Variants in TRIQK observed in about 807,000 individuals in gnomAD.
The protein encoded by TRIQK is triple QxxK/R motif-containing protein.
Under a neutral mutation model 10.8 loss-of-function variants are expected in TRIQK, and 10 were observed. The observed-to-expected ratio is 0.92, with a 90% CI of 0.57 to 1.57. TRIQK has a LOEUF of 1.57. TRIQK is among the 40% of genes most tolerant of loss of function. The pLI is 0.00. For synonymous variants in TRIQK, 33 were observed against 33.7 expected, an observed-to-expected ratio of 0.98 and a Z score of 0.07; for missense variants, 107 against 97.7, an observed-to-expected ratio of 1.09 and a Z score of -0.40.
At chr8:92,932,614 A>T (rs1810788211) in intron 2 of TRIQK, among the ~76,000 whole-genome samples, 1 of 152,068 alleles carries the variant, frequency 6.6e-6, no homozygotes, top group South Asian at 2.1e-4. Flanking sequence ...GCATTTATTG[A>T]TGTTTCTCGG....
At chr8:92,999,934 T>C (rs925087868) in intron 1 of TRIQK, among the ~76,000 whole-genome samples, 2 of 152,200 alleles carry the variant, frequency 1.3e-5, no homozygotes, top group Non-Finnish European at 1.5e-5. Flanking sequence ...ATTTCAGTTG[T>C]TAAAAACTTA....
At chr8:92,971,022 A>G (rs1812869800), upstream of TRIQK, among the ~76,000 whole-genome samples, 2 of 152,122 alleles carry the variant, frequency 1.3e-5, no homozygotes, top group Admixed American at 1.3e-4. Flanking sequence ...ATGGCTAGTC[A>G]GTTTTTCCAG....
chr8:92,997,809 C>A (rs1280724234), intron 1 of TRIQK, among the ~76,000 whole-genome samples: 1 of 151,918 alleles, frequency 6.6e-6, no homozygotes, highest in Non-Finnish European at 1.5e-5. Flanking sequence ...TGACTTAACA[C>A]CTTTGGGCTT....
chr8:92,897,656 C>T (rs1239417473), intron 3 of TRIQK, among the ~76,000 whole-genome samples: 1 of 152,070 alleles, frequency 6.6e-6, no homozygotes, highest in Non-Finnish European at 1.5e-5. Context: ...ATAAATTACC[C>T]AGTCTCAGGT....
At chr8:92,936,975 T>G (rs1400741740) in intron 2 of TRIQK, among the ~76,000 whole-genome samples, 1 of 151,630 alleles carries the variant, frequency 6.6e-6, no homozygotes, top group Non-Finnish European at 1.5e-5. Context: ...ATTAATAAAA[T>G]ATTTGAGGGA....
intron 1 of TRIQK, among the ~76,000 whole-genome samples, chr8:92,974,895 A>T (rs891336873): frequency 1.3e-5 from 2 of 152,312 alleles, no homozygotes; most frequent in Admixed American, 1.3e-4. Flanking sequence ...CAAGAATTGG[A>T]TTTTAATCAA....
chr8:92,910,294 C>T (rs547974259), intron 3 of TRIQK, among the ~76,000 whole-genome samples: 86 of 150,862 alleles, frequency 5.7e-4, no homozygotes, highest in Non-Finnish European at 1.1e-3. Context: ...TATTAATATA[C>T]TTTATTAAGT....
chr8:92,934,414 A>C (rs1810883661), intron 2 of TRIQK, among the ~76,000 whole-genome samples: 1 of 151,936 alleles, frequency 6.6e-6, no homozygotes, highest in Non-Finnish European at 1.5e-5. Context: ...ATAACTTTTA[A>C]GCATATATAT....
intron 1 of TRIQK, among the ~76,000 whole-genome samples, chr8:92,978,534 A>G (rs1378060896): frequency 6.6e-6 from 1 of 152,128 alleles, no homozygotes. Flanking sequence ...ATTTGTAACC[A>G]GAGGATTTGT....
At chr8:92,978,799 T>C (rs927313505) in intron 1 of TRIQK, among the ~76,000 whole-genome samples, 4 of 152,128 alleles carry the variant, frequency 2.6e-5, no homozygotes, top group Admixed American at 2.6e-4. Context: ...TTTGAGAGAT[T>C]CTTACTATAT....
chr8:92,955,865 A>G (rs1056436755), intron 1 of TRIQK, among the ~76,000 whole-genome samples: 10 of 151,766 alleles, frequency 6.6e-5, no homozygotes, highest in African/African-American at 2.2e-4. Context: ...AAAAACCACA[A>G]TGAGATACCA....
intron 2 of TRIQK, among the ~76,000 whole-genome samples, chr8:92,949,208 C>CT (rs1298954651): frequency 6.6e-6 from 1 of 152,066 alleles, no homozygotes; most frequent in Non-Finnish European, 1.5e-5. Flanking sequence ...TTTAATTTGT[C>CT]TAAGTTTTTT....
At chr8:92,955,917 G>A (rs1269190107) in intron 1 of TRIQK, among the ~76,000 whole-genome samples, 4 of 151,584 alleles carry the variant, frequency 2.6e-5, no homozygotes, top group Admixed American at 6.6e-5. Context: ...AAATGCAAGT[G>A]GAGATAAGGA....
At position 92,886,709 on chromosome 8, in the gene TRIQK, T is replaced by C; in HGVS notation, c.174A>G (p.Ile58Met). ...IKEVGLVLAA[I>M]LALLLAFYAF... ...CATAGAAAGCCAGTAGTAGTGCCAA[T>C]ATAGCTGCAAGTACAAGGCCAACTT... is the stretch of plus-strand genomic sequence containing the variant. The change falls in exon 5 of 5, where the codon ATA (isoleucine) becomes ATG (methionine). Residue 58 changes from isoleucine (I) to methionine (M), a missense_variant. By Grantham distance (10) the Ile-to-Met change is conservative. Transcript: ENST00000521988. 2.0e-6 allele frequency: 3 copies of C among 1,532,284 alleles called. No homozygotes were observed. The highest frequency in any genetic ancestry group is 2.6e-6 in the Non-Finnish European group (3 of 1,143,470). 94.9% of individuals were successfully genotyped at this position (1,532,284 alleles called of 1,614,324 possible). A position where few individuals can be genotyped will look rare whatever the true frequency, so the allele number is the denominator to read the frequency against.
At chr8:93,012,574 T>C (rs1370142558) in intron 1 of TRIQK, among the ~76,000 whole-genome samples, 1 of 152,196 alleles carries the variant, frequency 6.6e-6, no homozygotes, top group African/African-American at 2.4e-5. Flanking sequence ...TTCTGCTTTT[T>C]TTTCTTTAAT....
At chr8:92,921,274 C>G (rs1810168673) in intron 2 of TRIQK, 1 of 151,472 alleles carries the variant, frequency 6.6e-6, no homozygotes, top group Admixed American at 6.6e-5. Context: ...TTTAGGTTCT[C>G]TCTATTGGGG....
chr8:92,892,153 G>A (rs1319033301), intron 3 of TRIQK, 79 bp from the exon 4 acceptor site: 1 of 1,026,784 alleles, frequency 9.7e-7, no homozygotes. Flanking sequence ...GTCAAAGAAT[G>A]TTTAAATACA....
At chr8:92,955,487 A>G (rs907419222) in intron 1 of TRIQK, among the ~76,000 whole-genome samples, 3 of 151,830 alleles carry the variant, frequency 2.0e-5, no homozygotes, top group Non-Finnish European at 4.4e-5. Context: ...AGGAAATCGT[A>G]GGAATAAAAC....
intron 2 of TRIQK, among the ~76,000 whole-genome samples, chr8:92,950,446 T>C (rs950931200): frequency 3.9e-5 from 6 of 152,130 alleles, no homozygotes; most frequent in Non-Finnish European, 7.4e-5. Flanking sequence ...TTGTAGGAAT[T>C]TGCAAATTAT....
Sources: gnomAD v4.1 joint callset for allele counts (sites outside exome capture counted in the v4.1 genomes callset) on GRCh38, gnomAD v4.1.1 for gene constraint, MANE v1.5 for transcripts, NCBI Gene and HGNC (gene_info 2026-07-23, HGNC 2026-07-21) for gene names.